Variants in GPM6A observed in about 807,000 individuals in gnomAD.
GPM6A encodes the protein glycoprotein M6A.
A neutral mutation model predicts 32.1 loss-of-function variants in GPM6A; 7 were observed. The ratio of observed to expected loss-of-function variants is 0.22; its 90% confidence interval spans 0.12 to 0.41. The LOEUF is 0.41. Ranked by LOEUF, GPM6A falls within the 10% of genes least tolerant of loss-of-function variation. The probability of loss-of-function intolerance (pLI) is 1.00; values close to 1 mark genes in which losing one functional copy is unlikely to be tolerated. For synonymous variants in GPM6A, 130 were observed against 123.4 expected (o/e 1.05, Z -0.35); for missense variants, 235 against 347.2 (o/e 0.68, Z 2.57).
intron 1 of GPM6A, among the ~76,000 whole-genome samples, chr4:175,857,644 G>A (rs972175017): frequency 2.6e-5 from 4 of 152,044 alleles, no homozygotes; most frequent in Non-Finnish European, 5.9e-5. Flanking sequence ...AAAGCCATTT[G>A]AGGGAATGCA....
chr4:175,671,984 G>GAAA (rs773227963), intron 3 of GPM6A, among the ~76,000 whole-genome samples: 14,905 of 108,816 alleles, frequency 0.14, 1,098 homozygotes, highest in Non-Finnish European at 0.21. Context: ...TACCATTATA[G>GAAA]AAAAAAAAAA....
At chr4:175,675,256 T>TTA (rs1199505599) in intron 2 of GPM6A, among the ~76,000 whole-genome samples, 8 of 150,678 alleles carry the variant, frequency 5.3e-5, no homozygotes, top group East Asian at 1.9e-4. Flanking sequence ...TGTATATATA[T>TTA]TATATATATA....
intron 1 of GPM6A, among the ~76,000 whole-genome samples, chr4:175,810,190 A>ACGCACATAT (rs1734861074): frequency 6.6e-6 from 1 of 152,182 alleles, no homozygotes; most frequent in Admixed American, 6.5e-5. Context: ...GTTACAACCC[A>ACGCACATAT]CGCACATATC....
intron 3 of GPM6A, among the ~76,000 whole-genome samples, chr4:175,671,691 A>C (rs908930303): frequency 6.6e-6 from 1 of 152,048 alleles, no homozygotes; most frequent in East Asian, 1.9e-4. Context: ...GCCACTGTTT[A>C]CTTCTCAGTC....
chr4:175,708,105 T>G (rs1483630887), intron 1 of GPM6A, among the ~76,000 whole-genome samples: 1 of 151,932 alleles, frequency 6.6e-6, no homozygotes, highest in Non-Finnish European at 1.5e-5. Context: ...ACCTTAGAAG[T>G]AAACAAAATC....
chr4:175,759,570 T>C lies in GPM6A; in HGVS notation c.37+52621A>G, dbSNP rs763757160. Among the ~76,000 whole-genome samples, 63 of 152,296 alleles carry C rather than the reference T, an allele frequency of 4.1e-4. 1 individual carries two copies. Among genetic ancestry groups the C allele is most frequent in the South Asian group, 4.1e-4 (2 of 4,826 alleles). On this transcript the variant is annotated intron_variant, in intron 1 of 6. Transcript: ENST00000393658. ...ACAAGCAATTCAGTTTATTTAATGA[T>C]AGATTATGAGTTTAAACTCATATCA... is the stretch of plus-strand genomic sequence containing the variant.
intron 1 of GPM6A, among the ~76,000 whole-genome samples, chr4:175,721,185 C>T (rs777506008): frequency 9.3e-6 from 1 of 107,800 alleles, no homozygotes; most frequent in African/African-American, 2.7e-5. Flanking sequence ...TTTAAAAAGG[C>T]AAGATCTAGG....
At chr4:175,842,730 C>T (rs1267784581) in intron 1 of GPM6A, among the ~76,000 whole-genome samples, 1 of 152,014 alleles carries the variant, frequency 6.6e-6, no homozygotes, top group Non-Finnish European at 1.5e-5. Flanking sequence ...AGAGAATAAA[C>T]ATAGTTCTTT....
At chr4:175,722,055 G>T (rs1371904046) in intron 1 of GPM6A, among the ~76,000 whole-genome samples, 1 of 152,072 alleles carries the variant, frequency 6.6e-6, no homozygotes. Context: ...GAGAGGCTGA[G>T]GCAGGAGAAT....
intron 4 of GPM6A, 194 bp from the exon 5 acceptor site, chr4:175,641,023 T>C: frequency 1.8e-6 from 1 of 552,298 alleles, no homozygotes; most frequent in Non-Finnish European, 3.2e-6. Context: ...TGCAAGACTA[T>C]TTAGCCCTCA....
intron 1 of GPM6A, among the ~76,000 whole-genome samples, chr4:175,743,538 T>G (rs1731975659): frequency 6.6e-6 from 1 of 152,072 alleles, no homozygotes; most frequent in South Asian, 2.1e-4. Context: ...TGGACCTCGA[T>G]TATTATTAAT....
chr4:175,988,441 T>C (rs1741043464), intron 1 of GPM6A, among the ~76,000 whole-genome samples: 1 of 152,196 alleles, frequency 6.6e-6, no homozygotes. Context: ...AAAGAACATA[T>C]TCATTTTCAC....
chr4:175,735,937 A>G (rs1212954610), intron 1 of GPM6A, among the ~76,000 whole-genome samples: 1 of 152,340 alleles, frequency 6.6e-6, no homozygotes, highest in South Asian at 2.1e-4. Flanking sequence ...ATAGACCTAC[A>G]TAAAAATATA....
At chr4:175,738,601 A>G (rs1313440513) in intron 1 of GPM6A, among the ~76,000 whole-genome samples, 1 of 152,124 alleles carries the variant, frequency 6.6e-6, no homozygotes, top group African/African-American at 2.4e-5. Context: ...GTCAAAATGA[A>G]TGGGAAAAAT....
chr4:175,992,883 T>A (rs900093340), intron 1 of GPM6A, among the ~76,000 whole-genome samples: 1 of 152,190 alleles, frequency 6.6e-6, no homozygotes, highest in Non-Finnish European at 1.5e-5. Flanking sequence ...TTTAAAAAAC[T>A]CAAATGCCAT....
At chr4:175,969,520 C>G (rs1158341551) in intron 1 of GPM6A, among the ~76,000 whole-genome samples, 2 of 151,980 alleles carry the variant, frequency 1.3e-5, no homozygotes, top group African/African-American at 4.8e-5. Flanking sequence ...GCCAGCCTGG[C>G]CAACATGGTG....
rs533037775 is a variant in GPM6A, at chr4:175,724,125, T to TA, written c.38-22359dup. Among the ~76,000 whole-genome samples the TA allele has an allele frequency of 4.1e-3, 629 of 152,242 alleles. 2 individuals carry two copies. The highest frequency in any genetic ancestry group is 0.014 in the African/African-American group (599 of 41,550). On this transcript the variant is annotated intron_variant, in intron 1 of 6. Transcript: ENST00000393658. Reference sequence around the variant, plus strand: ...TACACAATGGAATAGCATTCAGCCTTAAAAAAGAAGGAAATTCTGTCATTT... The same window carrying TA: ...TACACAATGGAATAGCATTCAGCCTTAAAAAAAGAAGGAAATTCTGTCATTT...
intron 1 of GPM6A, among the ~76,000 whole-genome samples, chr4:175,824,858 C>T (rs922818569): frequency 1.3e-5 from 2 of 152,124 alleles, no homozygotes; most frequent in Non-Finnish European, 2.9e-5. Context: ...ACAAGTTCTA[C>T]AACTACGAGG....
chr4:175,795,007 A>T (rs1734161922), intron 1 of GPM6A, among the ~76,000 whole-genome samples: 1 of 152,230 alleles, frequency 6.6e-6, no homozygotes, highest in Admixed American at 6.5e-5. Flanking sequence ...TAATAAAGAC[A>T]ACCTCAATAG....
Sources: allele counts gnomAD v4.1 joint callset (sites outside exome capture counted in the v4.1 genomes callset), GRCh38; gene constraint gnomAD v4.1.1; transcripts MANE v1.5; gene names NCBI Gene and HGNC (gene_info 2026-07-23, HGNC 2026-07-21).